The following PSIP1 variants were observed in gnomAD, a reference collection of about 807,000 sequenced individuals.
PSIP1 encodes PC4 and SFRS1-interacting protein.
Under a neutral mutation model 74.7 loss-of-function variants are expected in PSIP1, and 19 were observed. The observed-to-expected ratio is 0.25, with a 90% CI of 0.18 to 0.37. PSIP1 has a LOEUF of 0.37. Ranked by LOEUF, PSIP1 falls within the 10% of genes least tolerant of loss-of-function variation. The pLI is 1.00. For synonymous variants in PSIP1, 222 were observed against 195.3 expected, an observed-to-expected ratio of 1.14 and a Z score of -1.14; for missense variants, 601 against 614.3, an observed-to-expected ratio of 0.98 and a Z score of 0.23.
intron 11 of PSIP1, 116 bp downstream of exon 11, chr9:15,469,822 T>A: frequency 1.2e-6 from 1 of 841,266 alleles, no homozygotes; most frequent in Non-Finnish European, 1.8e-6. Flanking sequence ...TTTGAAAAAT[T>A]CTATTTGTAG....
intron 2 of PSIP1, among the ~76,000 whole-genome samples, chr9:15,507,811 A>G (rs2037667258): frequency 6.6e-6 from 1 of 152,248 alleles, no homozygotes; most frequent in Admixed American, 6.5e-5. Flanking sequence ...GAAGACCATC[A>G]GGATGACTGA....
intron 8 of PSIP1, 115 bp from the exon 9 acceptor site, chr9:15,474,352 GTC>G: frequency 1.2e-6 from 1 of 843,800 alleles, no homozygotes; most frequent in East Asian, 2.7e-5. Context: ...TAAAAAGAGT[GTC>G]TTCACTATCC....
chr9:15,465,523 G>A lies in PSIP1; in HGVS notation c.1590C>T (p.Asn530=). Residue 530 remains asparagine, a synonymous_variant, in exon 16 of 16, where the codon AAC becomes AAT. Coordinates refer to ENST00000380733, the MANE Select transcript of PSIP1 (RefSeq NM_033222.5). ...TCTATATTCCAGGTATGTCAACCTA[G>A]TTATCTAGTGTAGAATCCTTCAGAG... ...EISLKDSTLD[N] is the part of the protein sequence containing the mutation. 1.3e-6 allele frequency: 2 copies of A among 1,557,522 alleles called. No individual in the cohort carries two copies. Among genetic ancestry groups the A allele is most frequent in the South Asian group, 1.1e-5 (1 of 87,316 alleles).
intron 14 of PSIP1, chr9:15,468,429 A>G (rs1418114888): frequency 1.3e-6 from 1 of 765,290 alleles, no homozygotes; most frequent in Non-Finnish European, 2.4e-6. Flanking sequence ...TAGAAGTCGA[A>G]TATAAACTGA....
chr9:15,483,761 A>C (rs906241060), intron 6 of PSIP1, among the ~76,000 whole-genome samples: 14 of 152,176 alleles, frequency 9.2e-5, no homozygotes, highest in Non-Finnish European at 1.9e-4. Flanking sequence ...TGGGAGGCTA[A>C]GGAAGGCGGA....
intron 8 of PSIP1, 37 bp from the exon 9 acceptor site, chr9:15,474,274 C>T: frequency 1.3e-6 from 2 of 1,500,402 alleles, no homozygotes; most frequent in Non-Finnish European, 1.8e-6. Flanking sequence ...ACTTGTCATT[C>T]AACTATAATA....
At chr9:15,478,689 G>T (rs2036204723) in intron 7 of PSIP1, 137 bp from the exon 8 acceptor site, 1 of 575,978 alleles carries the variant, frequency 1.7e-6, no homozygotes, top group Non-Finnish European at 3.0e-6. Context: ...TTGCTAAATT[G>T]AAAAAATAAT....
At chr9:15,466,414 CATCT>C (rs1406146181) in intron 15 of PSIP1, among the ~76,000 whole-genome samples, 1 of 152,140 alleles carries the variant, frequency 6.6e-6, no homozygotes, top group Non-Finnish European at 1.5e-5. Flanking sequence ...TGTGATTCTC[CATCT>C]AACTTTTTAC....
chr9:15,502,726 C>T (rs1039911176), intron 3 of PSIP1, among the ~76,000 whole-genome samples: 2 of 152,170 alleles, frequency 1.3e-5, no homozygotes, highest in African/African-American at 4.8e-5. Flanking sequence ...AACATGTAAT[C>T]AAGGATAATA....
chr9:15,498,411 G>A (rs1020946346), intron 3 of PSIP1, among the ~76,000 whole-genome samples: 1 of 151,614 alleles, frequency 6.6e-6, no homozygotes, highest in Non-Finnish European at 1.5e-5. Flanking sequence ...GTGAGGCTCC[G>A]TTTCAAAACA....
At chr9:15,502,432 C>A (rs1311041420) in intron 3 of PSIP1, among the ~76,000 whole-genome samples, 2 of 152,014 alleles carry the variant, frequency 1.3e-5, no homozygotes, top group African/African-American at 4.8e-5. Context: ...ATAGAGTAAG[C>A]GCACTATTTT....
intron 8 of PSIP1, 54 bp from the exon 9 acceptor site, chr9:15,474,291 T>C: frequency 1.4e-6 from 2 of 1,415,162 alleles, no homozygotes; most frequent in East Asian, 2.3e-5. Flanking sequence ...AATAGTATTT[T>C]AGATATCAGT....
intron 10 of PSIP1, chr9:15,471,417 T>G (rs2035824724): frequency 1.4e-6 from 2 of 1,476,096 alleles, no homozygotes; most frequent in Admixed American, 4.4e-5. Flanking sequence ...CTGAAATACA[T>G]AAAGATAACT....
rs960046208 is a variant in PSIP1, at chr9:15,471,050, A to T, written c.978-1057T>A. 2.7e-5 allele frequency: 40 copies of T among 1,460,700 alleles called. No individual in the cohort carries two copies. The Middle Eastern group carries it at 1.0e-3, about 37-fold the overall frequency. 90.5% of individuals were successfully genotyped at this position (1,460,700 alleles called of 1,614,324 possible). A position where few individuals can be genotyped will look rare whatever the true frequency, so the allele number is the denominator to read the frequency against. On this transcript the variant is annotated intron_variant, in intron 10 of 15. Coordinates refer to ENST00000380733, the MANE Select transcript of PSIP1 (RefSeq NM_033222.5). ...TAATGCCATTAATAATGAAGTCCTC[A>T]ATTTAGAATCTGGAACATTCTTCCA...
chr9:15,474,050 A>G lies in PSIP1; in HGVS notation c.817T>C (p.Ser273Pro). 6.2e-7 allele frequency: 1 copy of G among 1,613,582 alleles called. No homozygotes were observed. The highest frequency in any genetic ancestry group is 8.5e-7 in the Non-Finnish European group (1 of 1,179,868). The change falls in exon 9 of 16, where the codon TCC (serine) becomes CCC (proline). Residue 273 changes from serine (S) to proline (P), a missense_variant. By Grantham distance (74) the Ser-to-Pro change is moderately conservative. Transcript: ENST00000380733. ...TCATCTCCTTCTTCTTCAGAATCGGAGGTTGAAGTAACCCCTGTTTTAGCT... is the reference window on the plus strand; with the variant it reads ...TCATCTCCTTCTTCTTCAGAATCGGGGGTTGAAGTAACCCCTGTTTTAGCT... ...NLAKTGVTST[S>P]DSEEEGDDQE...
intron 3 of PSIP1, among the ~76,000 whole-genome samples, chr9:15,492,529 G>A (rs1398173063): frequency 6.6e-6 from 1 of 152,178 alleles, no homozygotes; most frequent in Non-Finnish European, 1.5e-5. Flanking sequence ...AGCTTTTCCA[G>A]GTGCATGGTG....
At chr9:15,472,501 T>A (rs1198070396) in intron 10 of PSIP1, 131 bp downstream of exon 10, 1 of 1,429,330 alleles carries the variant, frequency 7.0e-7, no homozygotes, top group Non-Finnish European at 9.1e-7. Flanking sequence ...TATTGAAGAT[T>A]TTTCTAACAC....
chr9:15,508,118 T>C (rs1175845138), intron 2 of PSIP1, among the ~76,000 whole-genome samples: 1 of 152,200 alleles, frequency 6.6e-6, no homozygotes, highest in Non-Finnish European at 1.5e-5. Flanking sequence ...TAAATAATTA[T>C]TACTGGTAAA....
intron 2 of PSIP1, among the ~76,000 whole-genome samples, chr9:15,507,340 C>T (rs1385148920): frequency 6.6e-6 from 1 of 152,192 alleles, no homozygotes; most frequent in Non-Finnish European, 1.5e-5. Flanking sequence ...TAAAGCAGTA[C>T]TATCTAGCTA....
Sources: gnomAD v4.1 joint callset for allele counts (sites outside exome capture counted in the v4.1 genomes callset) on GRCh38, gnomAD v4.1.1 for gene constraint, MANE v1.5 for transcripts, NCBI Gene and HGNC (gene_info 2026-07-23, HGNC 2026-07-21) for gene names.